Variants in TMEM272 observed in about 807,000 individuals in gnomAD.
TMEM272 encodes the protein transmembrane protein 272.
In TMEM272, 8 loss-of-function variants were observed where a neutral mutation model predicts 3.7. The ratio of observed to expected loss-of-function variants is 2.17; its 90% CI spans 1.27 to 3.91. TMEM272 has a LOEUF of 3.91. TMEM272 is among the 30% of genes most tolerant of loss of function. TMEM272 has a pLI of 0.00. For synonymous variants in TMEM272, 63 were observed against 39.8 expected (o/e 1.58, Z -2.20); for missense variants, 166 against 91.5 (o/e 1.81, Z -3.32).
chr13:51,909,587 T>G, the TMEM272 span: 1 of 1,208,572 alleles, frequency 8.3e-7, no homozygotes, highest in Non-Finnish European at 1.2e-6. Context: ...TCTTCCTTGG[T>G]TTTATCAACT....
intron 2 of TMEM272, among the ~76,000 whole-genome samples, chr13:51,830,510 A>T (rs908578677): frequency 6.6e-6 from 1 of 152,198 alleles, no homozygotes; most frequent in African/African-American, 2.4e-5. Flanking sequence ...AGACTTTCCT[A>T]ACAGACTTGT....
intron 3 of TMEM272, among the ~76,000 whole-genome samples, chr13:51,825,661 T>C (rs1185083461): frequency 6.8e-6 from 1 of 147,492 alleles, no homozygotes; most frequent in Non-Finnish European, 1.5e-5. Context: ...GGAGACAGGG[T>C]CTCAGTCCTG....
the TMEM272 span, among the ~76,000 whole-genome samples, chr13:51,915,404 T>C: frequency 6.6e-6 from 1 of 152,250 alleles, no homozygotes; most frequent in African/African-American, 2.4e-5. Flanking sequence ...AAACAATGCA[T>C]GATGTGCTTA....
At chr13:51,898,019 T>C in the TMEM272 span, among the ~76,000 whole-genome samples, 1 of 149,692 alleles carries the variant, frequency 6.7e-6, no homozygotes, top group Non-Finnish European at 1.5e-5. Context: ...GGTCAAGAGA[T>C]TGAGACCATC....
chr13:51,865,045 C>T, the TMEM272 span, among the ~76,000 whole-genome samples: 3 of 152,294 alleles, frequency 2.0e-5, no homozygotes, highest in South Asian at 4.1e-4. Context: ...TTCTTCTTGG[C>T]CTCATCATGT....
chr13:51,838,358 C>A, intron 2 of TMEM272, 115 bp downstream of exon 2: 2 of 691,694 alleles, frequency 2.9e-6, no homozygotes, highest in South Asian at 1.5e-5. Context: ...CACCCTGGGG[C>A]CACCCCATAC....
chr13:51,912,790 GCA>G, the TMEM272 span, among the ~76,000 whole-genome samples: 6 of 152,192 alleles, frequency 3.9e-5, no homozygotes, highest in East Asian at 9.6e-4. Flanking sequence ...TGCAGTCCTG[GCA>G]CACAGTTCAC....
the TMEM272 span, chr13:51,909,535 G>T: frequency 9.4e-7 from 1 of 1,062,952 alleles, no homozygotes; most frequent in Admixed American, 1.7e-5. Flanking sequence ...CGACTGCAAA[G>T]ATGCTTGTTC....
rs919347921 is a variant in TMEM272, at chr13:51,816,108, C to G, written c.*643G>C. ...ATGCCTGTAGCAGGCCAGCCCGCCC[C>G]CTATGTGGAAGCTACTGCTTTGACG... is the stretch of plus-strand genomic sequence containing the variant. On this transcript the variant is annotated 3_prime_UTR_variant, in exon 5 of 5. Coordinates refer to ENST00000629372, the MANE Select transcript of TMEM272 (RefSeq NM_001351003.2). The G allele has an allele frequency of 6.5e-6, 1 of 152,914 alleles. No homozygotes were observed. The highest frequency in any genetic ancestry group is 2.4e-5 in the African/African-American group (1 of 41,454). The allele number at this position is 152,914 out of a possible 1,614,324, so 9.5% of individuals were successfully genotyped here.
the TMEM272 span, among the ~76,000 whole-genome samples, chr13:51,899,920 G>T: frequency 1.3e-5 from 2 of 152,172 alleles, no homozygotes; most frequent in Admixed American, 1.3e-4. Flanking sequence ...TTTTCAATAA[G>T]TGGTGCTGGG....
the TMEM272 span, among the ~76,000 whole-genome samples, chr13:51,923,157 T>C: frequency 6.6e-6 from 1 of 152,230 alleles, no homozygotes; most frequent in African/African-American, 2.4e-5. Flanking sequence ...GACAAGCCTC[T>C]GTTGGCAAAT....
chr13:51,825,635 GT>G (rs11295479), intron 3 of TMEM272, among the ~76,000 whole-genome samples: 108,709 of 129,890 alleles, frequency 0.84, 45,165 homozygotes, highest in East Asian at 0.98. Context: ...TTGTTTTTGT[GT>G]TTTTTTTTTT....
chr13:51,913,913 C>T, the TMEM272 span, among the ~76,000 whole-genome samples: 3 of 152,146 alleles, frequency 2.0e-5, no homozygotes, highest in African/African-American at 4.8e-5. Flanking sequence ...TGGGAGGACC[C>T]GGCAGAAAGA....
At position 51,813,404 on chromosome 13, in the gene TMEM272, C is replaced by T. The variant is rs1386852465; in HGVS notation, c.*3347G>A. The T allele has an allele frequency of 5.0e-6, 2 of 397,220 alleles. No homozygotes were observed. The highest frequency in any genetic ancestry group is 8.8e-5 in the Admixed American group (2 of 22,690). The allele number at this position is 397,220 out of a possible 1,614,324, so 24.6% of individuals were successfully genotyped here. A position where few individuals can be genotyped will look rare whatever the true frequency, so the allele number is the denominator to read the frequency against. On this transcript the variant is annotated 3_prime_UTR_variant, in exon 5 of 5. Transcript: ENST00000629372. ...GAAAAATGCCCAGAAGGAAATGAAG[C>T]ACAAGATTCAGTTACACAAAGATGA... is the stretch of plus-strand genomic sequence containing the variant.
the TMEM272 span, among the ~76,000 whole-genome samples, chr13:51,861,015 C>G: frequency 6.6e-6 from 1 of 151,766 alleles, no homozygotes; most frequent in African/African-American, 2.4e-5. Flanking sequence ...CAGTCATAAA[C>G]AGAGAATCCT....
the TMEM272 span, among the ~76,000 whole-genome samples, chr13:51,886,273 T>C: frequency 6.6e-6 from 1 of 152,176 alleles, no homozygotes; most frequent in African/African-American, 2.4e-5. Flanking sequence ...AGCCAGCAGG[T>C]GGAGGACTTT....
At chr13:51,911,118 G>GT in the TMEM272 span, among the ~76,000 whole-genome samples, 1 of 152,216 alleles carries the variant, frequency 6.6e-6, no homozygotes, top group Admixed American at 6.5e-5. Flanking sequence ...TGGTGTTTCA[G>GT]TATCTGTTGC....
chr13:51,926,750 G>A, the TMEM272 span, among the ~76,000 whole-genome samples: 1 of 152,148 alleles, frequency 6.6e-6, no homozygotes. Context: ...AATGCTCTAA[G>A]GTGGGACAGG....
At chr13:51,908,311 G>C in the TMEM272 span, 1 of 1,233,312 alleles carries the variant, frequency 8.1e-7, no homozygotes, top group Non-Finnish European at 1.1e-6. Context: ...ATGTGGGGGT[G>C]GGGGTGGGGG....
Sources: allele counts gnomAD v4.1 joint callset (sites outside exome capture counted in the v4.1 genomes callset), GRCh38; gene constraint gnomAD v4.1.1; transcripts MANE v1.5; gene names NCBI Gene and HGNC (gene_info 2026-07-23, HGNC 2026-07-21).